PI4K2B: variants seen among roughly 807,000 people sequenced by gnomAD.
PI4K2B encodes the protein phosphatidylinositol 4-kinase type 2 beta.
A neutral mutation model predicts 56.6 loss-of-function variants in PI4K2B; 46 were observed. That is an observed-to-expected ratio of 0.81 (90% CI 0.64 to 1.04). The LOEUF (loss-of-function observed/expected upper bound fraction) is 1.04. PI4K2B is among the 50% of genes least tolerant of loss of function. PI4K2B has a pLI of 0.00. For synonymous variants in PI4K2B, 211 were observed against 223.8 expected, an observed-to-expected ratio of 0.94 and a Z score of 0.51; for missense variants, 556 against 607.7, an observed-to-expected ratio of 0.91 and a Z score of 0.89.
chr4:25,257,053 GCTCTTT>G (rs1353881114), intron 4 of PI4K2B, among the ~76,000 whole-genome samples: 1 of 149,832 alleles, frequency 6.7e-6, no homozygotes. Context: ...TTCTTTACTT[GCTCTTT>G]CTCTTTCTTT....
At chr4:25,262,396 A>G (rs313539) in intron 6 of PI4K2B, among the ~76,000 whole-genome samples, 12,954 of 152,226 alleles carry the variant, frequency 0.085, 716 homozygotes, top group South Asian at 0.19. Flanking sequence ...AAATTATTTT[A>G]TTTGTATATC....
chr4:25,277,325 A>G lies in PI4K2B; in HGVS notation c.*138A>G. On this transcript the variant is annotated 3_prime_UTR_variant, in exon 10 of 10. Transcript: ENST00000264864. ...TTTAAAAGGTTGTATTTTGAATGTA[A>G]CCAAAAGTTTACAGTTTTTTGTCCA... 9.7e-7 allele frequency: 1 copy of G among 1,029,730 alleles called. No individual in the cohort carries two copies. Among genetic ancestry groups the G allele is most frequent in the Non-Finnish European group, 1.3e-6 (1 of 770,568 alleles). The allele number at this position is 1,029,730 out of a possible 1,614,324, so 63.8% of individuals were successfully genotyped here. A position where few individuals can be genotyped will look rare whatever the true frequency, so the allele number is the denominator to read the frequency against.
intron 3 of PI4K2B, among the ~76,000 whole-genome samples, chr4:25,255,871 A>C (rs1402704672): frequency 6.6e-6 from 1 of 152,080 alleles, no homozygotes. Flanking sequence ...CAGCCTCCTG[A>C]GTAGCTGGGA....
rs1234191872 is a variant in PI4K2B, at chr4:25,255,433, T to A, written c.624+168T>A. 2.0e-5 allele frequency among the ~76,000 whole-genome samples: 3 copies of A among 151,472 alleles called. No individual in the cohort carries two copies. In the East Asian group the frequency reaches 5.8e-4, roughly 29 times the overall value. ...ACTAGTAAATTGATTGTAGTGTAGA[T>A]CCACAAAGTACTTAAAGGAATGTGT... On this transcript the variant is annotated intron_variant, in intron 3 of 9. Transcript: ENST00000264864.
chr4:25,265,541 C>G (rs1716635364), intron 7 of PI4K2B, among the ~76,000 whole-genome samples: 1 of 152,168 alleles, frequency 6.6e-6, no homozygotes, highest in South Asian at 2.1e-4. Context: ...ACGGGTTGCA[C>G]AGGTGGTACT....
At chr4:25,237,348 T>C (rs1004611543) in intron 1 of PI4K2B, among the ~76,000 whole-genome samples, 2 of 152,120 alleles carry the variant, frequency 1.3e-5, no homozygotes, top group Non-Finnish European at 2.9e-5. Flanking sequence ...TTTTGTTTTT[T>C]TTTTTTGTTT....
intron 1 of PI4K2B, among the ~76,000 whole-genome samples, chr4:25,238,403 A>G (rs980519911): frequency 6.6e-6 from 1 of 152,224 alleles, no homozygotes; most frequent in African/African-American, 2.4e-5. Flanking sequence ...AGTCCATTTC[A>G]GCAGAAATGG....
At chr4:25,273,698 G>A (rs539202202) in intron 9 of PI4K2B, among the ~76,000 whole-genome samples, 14 of 152,314 alleles carry the variant, frequency 9.2e-5, no homozygotes, top group Admixed American at 8.5e-4. Flanking sequence ...ATTCTAAGTT[G>A]ACCTTCCCTC....
intron 4 of PI4K2B, chr4:25,258,574 A>T (rs1248204612): frequency 7.5e-6 from 2 of 267,740 alleles, no homozygotes. Context: ...ACAACTAAAA[A>T]AAAAAAATGA....
At chr4:25,275,529 G>A (rs1162492512) in intron 9 of PI4K2B, among the ~76,000 whole-genome samples, 2 of 152,030 alleles carry the variant, frequency 1.3e-5, no homozygotes, top group African/African-American at 4.8e-5. Flanking sequence ...CTGAGGTGGC[G>A]TGTGCCTCTA....
intron 7 of PI4K2B, 27 bp from the exon 8 acceptor site, chr4:25,268,416 G>T: frequency 1.3e-6 from 2 of 1,583,918 alleles, no homozygotes; most frequent in South Asian, 2.3e-5. Flanking sequence ...TCCTACCACT[G>T]ATTAGGAGAA....
At chr4:25,252,901 C>T (rs35797001) in intron 2 of PI4K2B, among the ~76,000 whole-genome samples, 535 of 152,348 alleles carry the variant, frequency 3.5e-3, no homozygotes, top group Middle Eastern at 0.014. Context: ...GTGTGAGCCA[C>T]TGTGCCCAGC....
chr4:25,241,517 G>T (rs138774896), intron 1 of PI4K2B, among the ~76,000 whole-genome samples: 1 of 152,200 alleles, frequency 6.6e-6, no homozygotes, highest in Non-Finnish European at 1.5e-5. Context: ...ATGCATGTGC[G>T]TATTTGAAGC....
rs772977904 is a variant in PI4K2B, at chr4:25,263,849, T to TG, written c.1078+1dup. The TG allele has an allele frequency of 7.4e-7, 1 of 1,345,170 alleles. No homozygotes were observed. Among genetic ancestry groups the TG allele is most frequent in the South Asian group, 1.2e-5 (1 of 83,816 alleles). The allele number at this position is 1,345,170 out of a possible 1,614,324, so 83.3% of individuals were successfully genotyped here. A position where few individuals can be genotyped will look rare whatever the true frequency, so the allele number is the denominator to read the frequency against. ...PFKHPDEWRA[Y>*]PFHWAWLPQA... is the part of the protein sequence containing the mutation. ...TAAACATCCTGATGAATGGAGAGCA[T>TG]GTGAGTATTTAGAACCTTCTGTAGA... On this transcript the variant is annotated stop_gained and frameshift_variant and splice_region_variant. Transcript: ENST00000264864. LOFTEE classifies it high-confidence loss of function.
intron 1 of PI4K2B, among the ~76,000 whole-genome samples, chr4:25,250,259 G>A (rs892019516): frequency 1.3e-5 from 2 of 152,124 alleles, no homozygotes; most frequent in African/African-American, 4.8e-5. Context: ...AATGTTTTAA[G>A]AGCCATAAAA....
chr4:25,267,892 T>C, intron 7 of PI4K2B: 2 of 983,262 alleles, frequency 2.0e-6, no homozygotes, highest in Non-Finnish European at 1.2e-6. Context: ...TCTGATGATT[T>C]GTAGCTGTGG....
intron 1 of PI4K2B, among the ~76,000 whole-genome samples, chr4:25,239,548 G>T (rs1715426566): frequency 1.7e-5 from 1 of 60,072 alleles, no homozygotes; most frequent in African/African-American, 3.2e-5. Context: ...CCAAGCCCAT[G>T]CCCACCCGGA....
Position 25,234,099 on chromosome 4 carries a change from G to A in PI4K2B, c.-65G>A. The A allele has an allele frequency of 8.2e-7, 1 of 1,221,466 alleles. No individual in the cohort carries two copies. Among genetic ancestry groups the A allele is most frequent in the African/African-American group, 1.6e-5 (1 of 64,108 alleles). The allele number at this position is 1,221,466 out of a possible 1,614,324, so 75.7% of individuals were successfully genotyped here. A position where few individuals can be genotyped will look rare whatever the true frequency, so the allele number is the denominator to read the frequency against. On this transcript the variant is annotated 5_prime_UTR_variant, in exon 1 of 10. Coordinates refer to ENST00000264864, the MANE Select transcript of PI4K2B (RefSeq NM_018323.4). ...GGTCGCTCCCGTTCCGCGCCATGCA[G>A]AGCCCAGTCTCTGGCACCTGGCTGC...
chr4:25,259,239 C>G (rs769917783), intron 5 of PI4K2B, 49 bp downstream of exon 5: 4 of 1,243,460 alleles, frequency 3.2e-6, no homozygotes, highest in Non-Finnish European at 4.6e-6. Context: ...CATTTTCAAA[C>G]TATATTCTTG....
Sources: gnomAD v4.1 joint callset for allele counts (sites outside exome capture counted in the v4.1 genomes callset) on GRCh38, gnomAD v4.1.1 for gene constraint, MANE v1.5 for transcripts, NCBI Gene and HGNC (gene_info 2026-07-23, HGNC 2026-07-21) for gene names.